The following ATF6 variants were observed in gnomAD, a reference collection of about 807,000 sequenced individuals.
The protein encoded by ATF6 is activating transcription factor 6.
Under a neutral mutation model 83.6 loss-of-function variants are expected in ATF6, and 53 were observed. The observed-to-expected ratio is 0.63, with a 90% CI of 0.51 to 0.80. ATF6 has a LOEUF of 0.80. Ranked by LOEUF, ATF6 falls within the 30% of genes least tolerant of loss-of-function variation. The pLI is 0.00. For missense variants in ATF6, 744 were observed against 797.9 expected, an observed-to-expected ratio of 0.93 and a Z score of 0.81; for synonymous variants, 288 against 285.8, an observed-to-expected ratio of 1.01 and a Z score of -0.08.
At chr1:161,861,295 AATATAG>A (rs1003150472) in intron 13 of ATF6, among the ~76,000 whole-genome samples, 3 of 151,928 alleles carry the variant, frequency 2.0e-5, no homozygotes, top group African/African-American at 7.3e-5. Flanking sequence ...CTGAGAAAAA[AATATAG>A]ATAGATAGAT....
chr1:161,880,863 C>A (rs149158602), intron 14 of ATF6, among the ~76,000 whole-genome samples: 5 of 152,164 alleles, frequency 3.3e-5, no homozygotes, highest in African/African-American at 9.6e-5. Flanking sequence ...ACATTCCCAC[C>A]AGTGGGAATA....
intron 14 of ATF6, among the ~76,000 whole-genome samples, chr1:161,885,987 G>A (rs1687409992): frequency 2.0e-5 from 3 of 152,124 alleles, no homozygotes; most frequent in South Asian, 4.1e-4. Context: ...AGCTTTATGA[G>A]GTAGATATCA....
At chr1:161,810,099 C>G (rs1471117275) in intron 7 of ATF6, among the ~76,000 whole-genome samples, 1 of 152,106 alleles carries the variant, frequency 6.6e-6, no homozygotes, top group Non-Finnish European at 1.5e-5. Context: ...TTAATGGAGT[C>G]CTTGGGTGGG....
intron 15 of ATF6, among the ~76,000 whole-genome samples, chr1:161,958,117 A>G (rs963851068): frequency 6.6e-6 from 1 of 152,198 alleles, no homozygotes; most frequent in Non-Finnish European, 1.5e-5. Flanking sequence ...CAGTTGCTCC[A>G]ATCAGAGTAA....
chr1:161,811,941 C>T (rs538127940), intron 7 of ATF6, among the ~76,000 whole-genome samples: 1 of 152,258 alleles, frequency 6.6e-6, no homozygotes, highest in Non-Finnish European at 1.5e-5. Context: ...AGTTCAATCA[C>T]CTGTCAATAT....
At chr1:161,839,726 T>A (rs1686309528) in intron 9 of ATF6, among the ~76,000 whole-genome samples, 1 of 152,098 alleles carries the variant, frequency 6.6e-6, no homozygotes, top group African/African-American at 2.4e-5. Context: ...GAGCCAAGGC[T>A]TAAAGGAGAG....
intron 10 of ATF6, 136 bp downstream of exon 10, chr1:161,846,716 A>G: frequency 1.2e-6 from 1 of 835,666 alleles, no homozygotes; most frequent in Non-Finnish European, 1.6e-6. Flanking sequence ...TACTGAAACC[A>G]TTAATACATT....
At chr1:161,869,794 C>T (rs1326217370) in intron 14 of ATF6, among the ~76,000 whole-genome samples, 2 of 151,778 alleles carry the variant, frequency 1.3e-5, no homozygotes, top group Non-Finnish European at 3.0e-5. Flanking sequence ...TTCTATTTCA[C>T]TTTATTATAT....
At position 161,958,428 on chromosome 1, in the gene ATF6, G is replaced by T; in HGVS notation, c.1805-18G>T. The T allele has an allele frequency of 1.3e-6, 2 of 1,575,268 alleles. No individual in the cohort carries two copies. The highest frequency in any genetic ancestry group is 1.2e-5 in the South Asian group (1 of 84,034). ...ATTCTGTTGAATATTTATTCTTTGT[G>T]TATATTCCTGTCTGCAGAGAATGTG... On this transcript the variant is annotated intron_variant, in intron 15 of 15. Coordinates refer to ENST00000367942, the MANE Select transcript of ATF6 (RefSeq NM_007348.4).
At chr1:161,823,790 G>C (rs1685818679) in intron 9 of ATF6, among the ~76,000 whole-genome samples, 1 of 152,168 alleles carries the variant, frequency 6.6e-6, no homozygotes, top group Non-Finnish European at 1.5e-5. Context: ...GGAGAACTTT[G>C]CAGACTTTGA....
At chr1:161,892,628 C>CT (rs773642361) in intron 14 of ATF6, among the ~76,000 whole-genome samples, 6,479 of 124,592 alleles carry the variant, frequency 0.052, 291 homozygotes, top group African/African-American at 0.085. Context: ...ACAGGTCATT[C>CT]TTTTTTTTTT....
intron 15 of ATF6, among the ~76,000 whole-genome samples, chr1:161,912,823 A>G (rs1051164202): frequency 2.6e-5 from 4 of 152,158 alleles, no homozygotes; most frequent in Admixed American, 6.5e-5. Context: ...GATGAGTTTG[A>G]CACTGATAGT....
At chr1:161,827,501 C>T (rs1430044715) in intron 9 of ATF6, among the ~76,000 whole-genome samples, 1 of 152,110 alleles carries the variant, frequency 6.6e-6, no homozygotes, top group African/African-American at 2.4e-5. Flanking sequence ...GACAAATAGA[C>T]ATTTGAATCA....
intron 15 of ATF6, among the ~76,000 whole-genome samples, chr1:161,937,432 T>C (rs775381889): frequency 6.6e-5 from 10 of 151,762 alleles, no homozygotes; most frequent in Admixed American, 3.9e-4. Flanking sequence ...ATAATTCATC[T>C]CTGTTGGAAT....
intron 15 of ATF6, among the ~76,000 whole-genome samples, chr1:161,954,654 A>T (rs1688931085): frequency 6.6e-6 from 1 of 152,200 alleles, no homozygotes; most frequent in Admixed American, 6.5e-5. Context: ...AGGCTGTTCA[A>T]AATTCCACAT....
At chr1:161,826,783 T>TG (rs1685911043) in intron 9 of ATF6, among the ~76,000 whole-genome samples, 1 of 152,146 alleles carries the variant, frequency 6.6e-6, no homozygotes, top group Non-Finnish European at 1.5e-5. Context: ...AACTATTTCT[T>TG]GTAGACAAAA....
Position 161,778,247 on chromosome 1 carries a change from C to G in ATF6, c.86C>G (p.Ser29Cys). Residue 29 changes from serine (S) to cysteine (C), a missense_variant, in exon 2 of 16, where the codon TCT becomes TGT. By Grantham distance (112) the Ser-to-Cys change is moderately radical. Transcript: ENST00000367942. ...TATTCTTTTCCTTTGTCCAAAGATT[C>G]TGCTCTCTTTGCTGAACTCGGTTAT... ...LFHRLDEDWD[S>C]ALFAELGYFT... The G allele has an allele frequency of 6.2e-7, 1 of 1,612,648 alleles. No homozygotes were observed. The highest frequency in any genetic ancestry group is 8.5e-7 in the Non-Finnish European group (1 of 1,179,156).
chr1:161,776,368 T>C (rs1180296544), intron 1 of ATF6, among the ~76,000 whole-genome samples: 3 of 152,160 alleles, frequency 2.0e-5, no homozygotes, highest in Non-Finnish European at 4.4e-5. Flanking sequence ...TCCTTGGATA[T>C]GAGGCATATT....
At chr1:161,867,443 G>A (rs900888931) in intron 14 of ATF6, among the ~76,000 whole-genome samples, 2 of 151,918 alleles carry the variant, frequency 1.3e-5, no homozygotes, top group Admixed American at 1.3e-4. Context: ...ATTTTAAAAG[G>A]GCAGAAAAGA....
Sources: allele counts gnomAD v4.1 joint callset (sites outside exome capture counted in the v4.1 genomes callset), GRCh38; gene constraint gnomAD v4.1.1; transcripts MANE v1.5; gene names NCBI Gene and HGNC (gene_info 2026-07-23, HGNC 2026-07-21).